MYRIP: variants seen among roughly 807,000 people sequenced by gnomAD.
The protein encoded by MYRIP is myosin VIIA and Rab interacting protein.
A neutral mutation model predicts 98.0 loss-of-function variants in MYRIP; 49 were observed. The ratio of observed to expected loss-of-function variants is 0.50; its 90% confidence interval spans 0.40 to 0.63. The LOEUF is 0.63. Among genes scored for constraint, MYRIP ranks in the 30% least tolerant of loss-of-function variants. The probability of loss-of-function intolerance (pLI) is 0.00; values close to 1 mark genes in which losing one functional copy is unlikely to be tolerated. For missense variants in MYRIP, 1,004 were observed against 1,058.2 expected (o/e 0.95, Z 0.71); for synonymous variants, 404 against 409.5 (o/e 0.99, Z 0.16).
chr3:40,197,543 T>A (rs370217482), intron 10 of MYRIP, among the ~76,000 whole-genome samples: 1 of 152,230 alleles, frequency 6.6e-6, no homozygotes, highest in African/African-American at 2.4e-5. Context: ...ATTCTGTAAG[T>A]CTAGACTTCA....
At chr3:40,111,187 C>G (rs891518752) in intron 3 of MYRIP, among the ~76,000 whole-genome samples, 1 of 152,072 alleles carries the variant, frequency 6.6e-6, no homozygotes, top group Non-Finnish European at 1.5e-5. Flanking sequence ...ATCATTACTG[C>G]TCAGGATGGT....
intron 2 of MYRIP, among the ~76,000 whole-genome samples, chr3:39,952,281 C>G (rs931476795): frequency 2.0e-5 from 3 of 152,092 alleles, no homozygotes; most frequent in African/African-American, 7.2e-5. Context: ...CCTCATTTTG[C>G]TTATCCATTC....
chr3:39,978,159 C>G (rs1945801830), intron 2 of MYRIP, among the ~76,000 whole-genome samples: 1 of 152,210 alleles, frequency 6.6e-6, no homozygotes, highest in Non-Finnish European at 1.5e-5. Flanking sequence ...CTAGTCTTAA[C>G]TGATGCCCTT....
At chr3:40,090,551 G>A (rs1948721204) in intron 3 of MYRIP, among the ~76,000 whole-genome samples, 1 of 152,170 alleles carries the variant, frequency 6.6e-6, no homozygotes, top group Admixed American at 6.5e-5. Flanking sequence ...TAGCCTCTAA[G>A]AGCAAGTCAG....
intron 2 of MYRIP, among the ~76,000 whole-genome samples, chr3:40,033,831 G>C (rs1447796134): frequency 6.6e-6 from 1 of 152,032 alleles, no homozygotes; most frequent in South Asian, 2.1e-4. Flanking sequence ...ATACTACAAG[G>C]CTACAGTAAC....
At chr3:40,102,190 A>G (rs1477855608) in intron 3 of MYRIP, among the ~76,000 whole-genome samples, 2 of 152,198 alleles carry the variant, frequency 1.3e-5, no homozygotes, top group Non-Finnish European at 2.9e-5. Flanking sequence ...GAGTCCCTCT[A>G]TGCTAACCTT....
chr3:39,852,732 C>T (rs981879734), intron 1 of MYRIP, among the ~76,000 whole-genome samples: 2 of 136,426 alleles, frequency 1.5e-5, no homozygotes, highest in African/African-American at 5.6e-5. Context: ...CTCTCCTCTC[C>T]TGTTCTCCTC....
chr3:39,857,030 G>A (rs1283637320), intron 1 of MYRIP, among the ~76,000 whole-genome samples: 1 of 152,120 alleles, frequency 6.6e-6, no homozygotes, highest in Non-Finnish European at 1.5e-5. Flanking sequence ...GACCAGCCTG[G>A]ACAACATAAG....
At chr3:40,117,181 T>G (rs1224529686) in intron 3 of MYRIP, among the ~76,000 whole-genome samples, 1 of 152,196 alleles carries the variant, frequency 6.6e-6, no homozygotes, top group African/African-American at 2.4e-5. Flanking sequence ...GCACCACCCT[T>G]TGGTGGCCAG....
intron 2 of MYRIP, among the ~76,000 whole-genome samples, chr3:39,923,761 A>T (rs1944356009): frequency 6.6e-6 from 1 of 152,158 alleles, no homozygotes; most frequent in African/African-American, 2.4e-5. Context: ...ATATATTTTT[A>T]AAATTATGTT....
chr3:40,220,030 A>T (rs1462782668), intron 11 of MYRIP, among the ~76,000 whole-genome samples: 109 of 150,090 alleles, frequency 7.3e-4, no homozygotes, highest in Middle Eastern at 3.4e-3. Context: ...TGCCATTCTA[A>T]CTGGTGTGAG....
intron 8 of MYRIP, among the ~76,000 whole-genome samples, chr3:40,181,897 C>T (rs1950889971): frequency 1.3e-5 from 2 of 152,022 alleles, no homozygotes; most frequent in African/African-American, 4.8e-5. Flanking sequence ...CTTTGCATGC[C>T]CGAGAGCAAC....
At chr3:40,164,058 A>T (rs1457418502) in intron 5 of MYRIP, among the ~76,000 whole-genome samples, 1 of 152,020 alleles carries the variant, frequency 6.6e-6, no homozygotes, top group Non-Finnish European at 1.5e-5. Context: ...GCACCTGAAG[A>T]TCTTATAGGG....
At chr3:39,918,855 A>C (rs974533000) in intron 2 of MYRIP, among the ~76,000 whole-genome samples, 8 of 152,176 alleles carry the variant, frequency 5.3e-5, no homozygotes, top group Non-Finnish European at 1.2e-4. Flanking sequence ...CTTGTTATGC[A>C]GACTAACTAC....
intron 3 of MYRIP, among the ~76,000 whole-genome samples, chr3:40,130,641 A>T (rs988983974): frequency 1.8e-4 from 27 of 151,654 alleles, no homozygotes; most frequent in African/African-American, 6.5e-4. Flanking sequence ...CGGCCTCCCA[A>T]AGTGCTGGGA....
intron 2 of MYRIP, among the ~76,000 whole-genome samples, chr3:39,995,417 A>G (rs1303817631): frequency 6.6e-6 from 1 of 152,250 alleles, no homozygotes; most frequent in Non-Finnish European, 1.5e-5. Flanking sequence ...CGATTCGATC[A>G]ACTGGAAGAA....
chr3:39,912,796 T>C (rs1347805370), intron 2 of MYRIP, among the ~76,000 whole-genome samples: 1 of 152,216 alleles, frequency 6.6e-6, no homozygotes, highest in Non-Finnish European at 1.5e-5. Context: ...TCCCAGCACT[T>C]TGAGAGGCTG....
chr3:39,812,519 C>T lies in MYRIP; in HGVS notation c.-31+2603C>T, dbSNP rs571336167. ...TAACAGTGCTGACATTGGTCAATGG[C>T]GGCTGGTTTGTTCCCATAAGAGCTT... On this transcript the variant is annotated intron_variant, in intron 1 of 16. Coordinates refer to ENST00000302541, the MANE Select transcript of MYRIP (RefSeq NM_015460.4). Among the ~76,000 whole-genome samples the T allele has an allele frequency of 1.3e-3, 203 of 152,126 alleles. 3 individuals are homozygous for T. In the Middle Eastern group the frequency reaches 0.027, roughly 20 times the overall value.
intron 2 of MYRIP, among the ~76,000 whole-genome samples, chr3:39,981,232 T>A (rs1028503295): frequency 6.6e-5 from 10 of 152,158 alleles, no homozygotes; most frequent in African/African-American, 2.4e-4. Flanking sequence ...TGAAAAGAGA[T>A]TCTTTGAGGC....
Sources: gnomAD v4.1 joint callset for allele counts (sites outside exome capture counted in the v4.1 genomes callset) on GRCh38, gnomAD v4.1.1 for gene constraint, MANE v1.5 for transcripts, NCBI Gene and HGNC (gene_info 2026-07-23, HGNC 2026-07-21) for gene names.